HELZ: variants seen among roughly 807,000 people sequenced by gnomAD.
HELZ encodes helicase with zinc finger, also known as ATP-dependent RNA helicase with zinc finger domain.
In HELZ, 23 loss-of-function variants were observed where a neutral mutation model predicts 218.2. The ratio of observed to expected loss-of-function variants is 0.11; its 90% CI spans 0.08 to 0.15. HELZ has a LOEUF of 0.15. Ranked by LOEUF, HELZ falls within the 10% of genes least tolerant of loss-of-function variation. The pLI, the probability that HELZ is intolerant of heterozygous loss-of-function variation, is 1.00. For synonymous variants in HELZ, 814 were observed against 829.4 expected (o/e 0.98, Z 0.32); for missense variants, 1,813 against 2,353.7 (o/e 0.77, Z 4.75).
intron 3 of HELZ, among the ~76,000 whole-genome samples, 167 bp from the exon 4 acceptor site, chr17:67,218,989 C>T (rs552221975): frequency 7.9e-5 from 12 of 152,298 alleles, no homozygotes; most frequent in Admixed American, 5.9e-4. Context: ...AAAATCTATA[C>T]TTCTCTTTGA....
At chr17:67,220,896 T>C (rs2040728254) in intron 3 of HELZ, among the ~76,000 whole-genome samples, 1 of 137,098 alleles carries the variant, frequency 7.3e-6, no homozygotes, top group African/African-American at 2.7e-5. Context: ...GTCTTTTACA[T>C]GGTTTCCCTT....
At chr17:67,227,172 T>C in intron 3 of HELZ, among the ~76,000 whole-genome samples, 1 of 151,962 alleles carries the variant, frequency 6.6e-6, no homozygotes, top group East Asian at 1.9e-4. Context: ...ATTTTTAAAA[T>C]ATGACCTAAA....
rs112284614 is a variant in HELZ at position 67,158,869 on chromosome 17, C to T, written c.2177+1392G>A. ...AGCTAAATATAAGCTAGTCGAGTGA[C>T]GGATTTAGTGTTCATCAGCAACAGC... On this transcript the variant is annotated intron_variant, in intron 17 of 32. Coordinates refer to ENST00000358691, the MANE Select transcript of HELZ (RefSeq NM_014877.4). Among the ~76,000 whole-genome samples, 600 of 152,178 alleles carry T rather than the reference C, an allele frequency of 3.9e-3. 5 individuals are homozygous for T. Among genetic ancestry groups the T allele is most frequent in the African/African-American group, 0.014 (567 of 41,528 alleles).
intron 30 of HELZ, 52 bp from the exon 31 acceptor site, chr17:67,107,737 A>G: frequency 6.6e-7 from 1 of 1,512,502 alleles, no homozygotes; most frequent in South Asian, 1.3e-5. Flanking sequence ...CCATCACATT[A>G]AGGAAAGCTT....
intron 3 of HELZ, among the ~76,000 whole-genome samples, chr17:67,222,830 G>A (rs2040783334): frequency 6.6e-6 from 1 of 152,134 alleles, no homozygotes; most frequent in African/African-American, 2.4e-5. Flanking sequence ...TTCTAAATGA[G>A]GCCAGCTCCC....
chr17:67,141,809 C>T (rs1444431772), intron 21 of HELZ, among the ~76,000 whole-genome samples: 1 of 152,062 alleles, frequency 6.6e-6, no homozygotes, highest in Non-Finnish European at 1.5e-5. Flanking sequence ...CTTTGGGAGG[C>T]CAAGGTGGGT....
chr17:67,117,552 CTTT>C (rs35601947), intron 27 of HELZ, among the ~76,000 whole-genome samples: 1 of 143,026 alleles, frequency 7.0e-6, no homozygotes, highest in Non-Finnish European at 1.5e-5. Flanking sequence ...ATACTGAAAA[CTTT>C]TTTTTTTTTT....
intron 3 of HELZ, among the ~76,000 whole-genome samples, chr17:67,229,071 C>T (rs2040969178): frequency 6.6e-6 from 1 of 152,188 alleles, no homozygotes. Flanking sequence ...TCAGAATGTG[C>T]CCCTTTCCCC....
At chr17:67,232,752 G>C (rs2041070978) in intron 3 of HELZ, among the ~76,000 whole-genome samples, 1 of 152,172 alleles carries the variant, frequency 6.6e-6, no homozygotes, top group African/African-American at 2.4e-5. Context: ...GTTGAAGTTG[G>C]ACAATGGGTA....
At chr17:67,113,815 T>C (rs906440603) in intron 28 of HELZ, among the ~76,000 whole-genome samples, 5 of 152,174 alleles carry the variant, frequency 3.3e-5, no homozygotes, top group Non-Finnish European at 7.3e-5. Flanking sequence ...ATGGTTCCAT[T>C]CAAATTAGAA....
At chr17:67,144,551 G>A (rs1224423550) in intron 21 of HELZ, among the ~76,000 whole-genome samples, 7 of 150,406 alleles carry the variant, frequency 4.7e-5, no homozygotes. Context: ...TTATCCTATA[G>A]CTTATAGGTT....
intron 7 of HELZ, 43 bp from the exon 8 acceptor site, chr17:67,195,513 G>T: frequency 8.8e-7 from 1 of 1,132,902 alleles, no homozygotes; most frequent in Non-Finnish European, 1.3e-6. Context: ...CAAGAATAAC[G>T]TTGATGCTGA....
At chr17:67,218,538 A>G (rs984258498) in intron 4 of HELZ, 57 bp downstream of exon 4, 13 of 1,307,788 alleles carry the variant, frequency 9.9e-6, no homozygotes, top group African/African-American at 7.3e-5. Context: ...GTCACCCCTC[A>G]ATGAAAAAGG....
intron 13 of HELZ, chr17:67,176,748 G>C (rs1479846169): frequency 6.6e-6 from 1 of 152,206 alleles, no homozygotes; most frequent in East Asian, 1.9e-4. Flanking sequence ...AGTTAGGCTG[G>C]AGATGATCAC....
At chr17:67,081,191 G>C (rs1420284039) in intron 32 of HELZ, among the ~76,000 whole-genome samples, 2 of 152,050 alleles carry the variant, frequency 1.3e-5, no homozygotes, top group African/African-American at 4.8e-5. Context: ...AAGGACCTTG[G>C]GCCCTTCAAT....
intron 13 of HELZ, among the ~76,000 whole-genome samples, chr17:67,170,780 T>C (rs1335837566): frequency 2.8e-5 from 4 of 145,406 alleles, no homozygotes; most frequent in East Asian, 4.1e-4. Flanking sequence ...TGACCTGAGA[T>C]AGCGACACCG....
intron 27 of HELZ, among the ~76,000 whole-genome samples, 180 bp downstream of exon 27, chr17:67,120,225 C>T (rs1212047075): frequency 6.6e-6 from 1 of 151,642 alleles, no homozygotes; most frequent in East Asian, 1.9e-4. Context: ...AGGATGGTCT[C>T]GATCTCCTGA....
chr17:67,117,606 G>A (rs900401028), intron 27 of HELZ, among the ~76,000 whole-genome samples: 9 of 150,414 alleles, frequency 6.0e-5, no homozygotes, highest in Non-Finnish European at 8.9e-5. Flanking sequence ...CTGGAGTGCA[G>A]TGGTGTGATC....
rs182569934 is a variant in HELZ at position 67,225,209 on chromosome 17, T to C, written c.-18-6387A>G. The C allele has an allele frequency of 4.0e-5, 13 of 322,032 alleles. 1 individual carries two copies. In the Admixed American group the frequency reaches 5.6e-4, roughly 14 times the overall value. 19.9% of individuals were successfully genotyped at this position (322,032 alleles called of 1,614,324 possible). ...TGTGCCAGATGTTTAAAAGATTATA[T>C]GTACGTAATCTAATTTAATCCTCAC... On this transcript the variant is annotated intron_variant, in intron 3 of 32. Coordinates refer to ENST00000358691, the MANE Select transcript of HELZ (RefSeq NM_014877.4).
Sources: allele counts gnomAD v4.1 joint callset (sites outside exome capture counted in the v4.1 genomes callset), GRCh38; gene constraint gnomAD v4.1.1; transcripts MANE v1.5; gene names NCBI Gene and HGNC (gene_info 2026-07-23, HGNC 2026-07-21).